Variants in PLXNB1 observed in about 807,000 individuals in gnomAD.
PLXNB1 encodes plexin B1.
Under a neutral mutation model 209.4 loss-of-function variants are expected in PLXNB1, and 106 were observed. That is an observed-to-expected ratio of 0.51 (90% CI 0.43 to 0.59). PLXNB1 has a LOEUF of 0.59. Ranked by LOEUF, PLXNB1 falls within the 20% of genes least tolerant of loss-of-function variation. The probability of loss-of-function intolerance (pLI) is 0.00; values close to 1 mark genes in which losing one functional copy is unlikely to be tolerated. For missense variants in PLXNB1, 2,357 were observed against 2,853.2 expected, an observed-to-expected ratio of 0.83 and a Z score of 3.96; for synonymous variants, 1,167 against 1,183.2, an observed-to-expected ratio of 0.99 and a Z score of 0.28.
At position 48,416,149 on chromosome 3, in the gene PLXNB1, T is replaced by G. The variant is rs893664029; in HGVS notation, c.3499A>C (p.Ile1167Leu). ...FAYQDPKVHS[I>L]FPARGPRAGG... is the part of the protein sequence containing the mutation. ...GCTCTGGGGCCGCGGGCCGGGAAGA[T>G]GGAATGGACCTTCGGATCCTGTGGG... Residue 1167 changes from isoleucine (I) to leucine (L), a missense_variant, in exon 18 of 38, where the codon ATC becomes CTC. Ile to Leu is a conservative substitution (Grantham distance 5). Transcript: ENST00000296440. The surrounding 1 kb of genome is among the most constrained non-coding windows in gnomAD (Gnocchi z 4.1). 3.8e-6 allele frequency: 6 copies of G among 1,599,206 alleles called. No homozygotes were observed. The highest frequency in any genetic ancestry group is 1.6e-4 in the Middle Eastern group (1 of 6,066).
chr3:48,408,873 C>T lies in PLXNB1; in HGVS notation c.6087+456G>A, dbSNP rs561831606. Reference sequence around the variant, plus strand: ...GCCTGCCCTGCACCCTCCCACCCGGCTTGAACCCAGCCACTGCTTGTCAGG... The same window carrying T: ...GCCTGCCCTGCACCCTCCCACCCGGTTTGAACCCAGCCACTGCTTGTCAGG... On this transcript the variant is annotated intron_variant, in intron 34 of 37. Transcript: ENST00000296440. Among the ~76,000 whole-genome samples, 7 of 152,324 alleles carry T rather than the reference C, an allele frequency of 4.6e-5. No homozygotes were observed. In the South Asian group the frequency reaches 1.4e-3, roughly 32 times the overall value.
At position 48,409,602 on chromosome 3, in the gene PLXNB1, G is replaced by A; in HGVS notation, c.5908C>T (p.Gln1970Ter). Residue 1970 changes from glutamine to a stop codon, truncating the protein, a stop_gained, in exon 33 of 38, where the codon CAG becomes TAG. Coordinates refer to ENST00000296440, the MANE Select transcript of PLXNB1 (RefSeq NM_001130082.3). LOFTEE classifies it high-confidence loss of function. This position sits in a 1 kb window ranked among gnomAD's most constrained non-coding sequence, Gnocchi z 5.8. ...GTCTTCCAGATGTGGATGGTGTCCT[G>A]GTCGGAGATGCCATGCTGCTGGGCC... ...EQAQQHGISD[Q>*]DTIHIWKTNS... is the part of the protein sequence containing the mutation. The A allele has an allele frequency of 6.2e-7, 1 of 1,613,902 alleles. No homozygotes were observed. The highest frequency in any genetic ancestry group is 8.5e-7 in the Non-Finnish European group (1 of 1,179,978).
In PLXNB1 at chr3:48,405,099, C is replaced by G. The variant is rs1007999102; in HGVS notation, c.6304-509G>C. Among the ~76,000 whole-genome samples the G allele has an allele frequency of 6.6e-6, 1 of 152,194 alleles. No homozygotes were observed. Among genetic ancestry groups the G allele is most frequent in the African/African-American group, 2.4e-5 (1 of 41,440 alleles). On this transcript the variant is annotated intron_variant, in intron 37 of 37. Transcript: ENST00000296440. The surrounding 1 kb of genome is among the most constrained non-coding windows in gnomAD (Gnocchi z 5.0). ...ACAAGGGGACATGCCTGCATCACAC[C>G]CTGCCTCCCCCAAGCCCCGTGCCAT...
At position 48,418,451 on chromosome 3, in the gene PLXNB1, TG is replaced by T. The variant is rs1412006930; in HGVS notation, c.3046del (p.His1016MetfsTer37). The T allele has an allele frequency of 6.2e-7, 1 of 1,613,166 alleles. No homozygotes were observed. The highest frequency in any genetic ancestry group is 1.3e-5 in the African/African-American group (1 of 74,896). On this transcript the variant is annotated frameshift_variant, in exon 14 of 38. Coordinates refer to ENST00000296440, the MANE Select transcript of PLXNB1 (RefSeq NM_001130082.3). LOFTEE classifies it high-confidence loss of function. The surrounding 1 kb of genome is among the most constrained non-coding windows in gnomAD (Gnocchi z 6.6). Reference sequence around the variant, plus strand: ...CCAGCAGCCCGCAGGTGGCTCACCATGCAGCCCCTCAGCACTGTCCACACGC... The same window carrying T: ...CCAGCAGCCCGCAGGTGGCTCACCATCAGCCCCTCAGCACTGTCCACACGC... ...RLRVDSAEGL[H>X]VVLYDCSVGH...
chr3:48,423,842 T>G lies in PLXNB1; in HGVS notation c.770A>C (p.His257Pro). The change falls in exon 3 of 38, where the codon CAC becomes CCC. Residue 257 changes from histidine to proline, a missense_variant. Transcript: ENST00000296440. ...YVSRVCLRDQ[H>P]YYSYVELPLA... is the part of the protein sequence containing the mutation. ...AGGCAACTCCACATAGGAGTAGTAG[T>G]GCTGGTCCCGGAGACACACTCGAGA... 1 of 1,613,930 alleles carries G rather than the reference T, an allele frequency of 6.2e-7. No individual in the cohort carries two copies. The highest frequency in any genetic ancestry group is 1.1e-5 in the South Asian group (1 of 91,084).
rs2037186332 is a variant in PLXNB1 at position 48,404,406 on chromosome 3, T to C, written c.*80A>G. ...CTGCTTGTCAGTCACTACAGGCACC[T>C]AAGAAGGTGGCCTCTCCTCCGAGCT... is the stretch of plus-strand genomic sequence containing the variant. On this transcript the variant is annotated 3_prime_UTR_variant, in exon 38 of 38. Transcript: ENST00000296440. 1.2e-6 allele frequency: 1 copy of C among 842,142 alleles called. No homozygotes were observed. Among genetic ancestry groups the C allele is most frequent in the Non-Finnish European group, 1.9e-6 (1 of 517,756 alleles). 52.2% of individuals were successfully genotyped at this position (842,142 alleles called of 1,614,324 possible).
rs1485288732 is a variant in PLXNB1 at position 48,415,555 on chromosome 3, C to T, written c.3794+28G>A. ...GCTGCAAAGACCTCCCTGCCACCTG[C>T]CATGCAGCCACACCCCTGGCCCAAC... On this transcript the variant is annotated intron_variant, in intron 19 of 37. Transcript: ENST00000296440. The surrounding 1 kb of genome is among the most constrained non-coding windows in gnomAD (Gnocchi z 5.0). The T allele has an allele frequency of 6.5e-7, 1 of 1,541,906 alleles. No homozygotes were observed. Among genetic ancestry groups the T allele is most frequent in the Non-Finnish European group, 8.8e-7 (1 of 1,137,450 alleles).
At position 48,410,752 on chromosome 3, in the gene PLXNB1, G is replaced by T; in HGVS notation, c.5416+116C>A. 1 of 1,120,922 alleles carries T rather than the reference G, an allele frequency of 8.9e-7. No individual in the cohort carries two copies. The allele number at this position is 1,120,922 out of a possible 1,614,324, so 69.4% of individuals were successfully genotyped here. On this transcript the variant is annotated intron_variant, in intron 29 of 37. Coordinates refer to ENST00000296440, the MANE Select transcript of PLXNB1 (RefSeq NM_001130082.3). The surrounding 1 kb of genome is among the most constrained non-coding windows in gnomAD (Gnocchi z 6.4). ...GAAAGATGTTCCAAAGCCAGCTTCT[G>T]CCTGCCTCCCAGCATCCTCCCCACC...
At chr3:48,427,696 A>G (rs11917677) in intron 1 of PLXNB1, among the ~76,000 whole-genome samples, 2,002 of 151,870 alleles carry the variant, frequency 0.013, 34 homozygotes, top group African/African-American at 0.045. Flanking sequence ...GGCTCCTCCA[A>G]CCGCTGCACA....
Position 48,409,759 on chromosome 3 carries a change from T to C in PLXNB1, c.5779-28A>G, listed in dbSNP as rs2037543299. Reference sequence around the variant, plus strand: ...GTGGGAAGGAAGAAGCAGAGAGGTGTGGTCAGCAAAGGGCCCTCAGCAGCA... The same window carrying C: ...GTGGGAAGGAAGAAGCAGAGAGGTGCGGTCAGCAAAGGGCCCTCAGCAGCA... On this transcript the variant is annotated intron_variant, in intron 32 of 37. Transcript: ENST00000296440. The surrounding 1 kb of genome is among the most constrained non-coding windows in gnomAD (Gnocchi z 5.8). 2.5e-6 allele frequency: 4 copies of C among 1,608,374 alleles called. No individual in the cohort carries two copies. The highest frequency in any genetic ancestry group is 1.7e-4 in the Middle Eastern group (1 of 6,040).
At position 48,417,841 on chromosome 3, in the gene PLXNB1, C is replaced by T. The variant is rs2038200161; in HGVS notation, c.3374+70G>A. The T allele has an allele frequency of 1.3e-6, 2 of 1,488,640 alleles. No homozygotes were observed. The highest frequency in any genetic ancestry group is 1.8e-6 in the Non-Finnish European group (2 of 1,091,044). The allele number at this position is 1,488,640 out of a possible 1,614,324, so 92.2% of individuals were successfully genotyped here. On this transcript the variant is annotated intron_variant, in intron 16 of 37. Transcript: ENST00000296440. The surrounding 1 kb of genome is among the most constrained non-coding windows in gnomAD (Gnocchi z 4.4). ...GGGCAGATGAGCGGTGGGTGGGAGG[C>T]CCCAAGCAGCAACGCCAACCGCGGA...
At position 48,412,128 on chromosome 3, in the gene PLXNB1, G is replaced by A. The variant is rs181410383; in HGVS notation, c.5100+110C>T. ...AGGGGACTGAGGACAGGCTGAGCAGGAGTCTCTGCTCTGGCACAAGTGTCC... is the reference window on the plus strand; with the variant it reads ...AGGGGACTGAGGACAGGCTGAGCAGAAGTCTCTGCTCTGGCACAAGTGTCC... On this transcript the variant is annotated intron_variant, in intron 27 of 37. Transcript: ENST00000296440. 2.9e-4 allele frequency: 419 copies of A among 1,455,864 alleles called. 1 individual carries two copies. The highest frequency in any genetic ancestry group is 1.1e-3 in the Admixed American group (67 of 58,846). The allele number at this position is 1,455,864 out of a possible 1,614,324, so 90.2% of individuals were successfully genotyped here.
chr3:48,405,566 C>A lies in PLXNB1; in HGVS notation c.6303+158G>T, dbSNP rs1237142712. 1.3e-5 allele frequency among the ~76,000 whole-genome samples: 2 copies of A among 152,178 alleles called. No individual in the cohort carries two copies. Among genetic ancestry groups the A allele is most frequent in the East Asian group, 3.9e-4 (2 of 5,164 alleles). On this transcript the variant is annotated intron_variant, in intron 37 of 37. Transcript: ENST00000296440. The surrounding 1 kb of genome is among the most constrained non-coding windows in gnomAD (Gnocchi z 5.0). ...GCACAGCCAATGCCAGGAAGCCCGC[C>A]TGGAAAACACTTCTCAAGCCACCAA...
intron 4 of PLXNB1, 70 bp from the exon 5 acceptor site, chr3:48,422,529 A>C: frequency 6.8e-7 from 1 of 1,463,248 alleles, no homozygotes; most frequent in Non-Finnish European, 9.1e-7. Context: ...CCCCTCCTCC[A>C]CCCAATCGAA....
In PLXNB1 at chr3:48,418,612, G is replaced by T; in HGVS notation, c.2956-70C>A. ...GTCAGGCCTGGGGAGGGGTTAGTCA[G>T]AGAAAGGACTAAAACGACCAGTTAG... is the stretch of plus-strand genomic sequence containing the variant. On this transcript the variant is annotated intron_variant, in intron 13 of 37. Transcript: ENST00000296440. The surrounding 1 kb of genome is among the most constrained non-coding windows in gnomAD (Gnocchi z 6.6). The T allele has an allele frequency of 7.5e-7, 1 of 1,333,898 alleles. No homozygotes were observed. Among genetic ancestry groups the T allele is most frequent in the South Asian group, 1.3e-5 (1 of 79,810 alleles). The allele number at this position is 1,333,898 out of a possible 1,614,324, so 82.6% of individuals were successfully genotyped here. A position where few individuals can be genotyped will look rare whatever the true frequency, so the allele number is the denominator to read the frequency against.
At position 48,410,733 on chromosome 3, in the gene PLXNB1, T is replaced by G; in HGVS notation, c.5416+135A>C. 9.9e-7 allele frequency: 1 copy of G among 1,007,572 alleles called. No homozygotes were observed. 62.4% of individuals were successfully genotyped at this position (1,007,572 alleles called of 1,614,324 possible). A position where few individuals can be genotyped will look rare whatever the true frequency, so the allele number is the denominator to read the frequency against. Reference sequence around the variant, plus strand: ...CAGATGAGAGGCTGTCCAAGAAAGATGTTCCAAAGCCAGCTTCTGCCTGCC... The same window carrying G: ...CAGATGAGAGGCTGTCCAAGAAAGAGGTTCCAAAGCCAGCTTCTGCCTGCC... On this transcript the variant is annotated intron_variant, in intron 29 of 37. Coordinates refer to ENST00000296440, the MANE Select transcript of PLXNB1 (RefSeq NM_001130082.3). This position sits in a 1 kb window ranked among gnomAD's most constrained non-coding sequence, Gnocchi z 6.4.
At chr3:48,423,109 C>G (rs576097832) in intron 3 of PLXNB1, among the ~76,000 whole-genome samples, 162 bp from the exon 4 acceptor site, 2 of 152,192 alleles carry the variant, frequency 1.3e-5, no homozygotes, top group East Asian at 1.9e-4. Context: ...TCCCCGCCCC[C>G]AGTCTCTCTT....
chr3:48,409,575 T>A lies in PLXNB1; in HGVS notation c.5935A>T (p.Asn1979Tyr). 6.2e-7 allele frequency: 1 copy of A among 1,613,444 alleles called. No homozygotes were observed. Among genetic ancestry groups the A allele is most frequent in the Non-Finnish European group, 8.5e-7 (1 of 1,179,706 alleles). Reference protein sequence around the residue: ...DQDTIHIWKTNSLPLRFWINI... With the variant: ...DQDTIHIWKTYSLPLRFWINI... ...GCCCACCCAGCTCCACCCCACCTGTTGGTCTTCCAGATGTGGATGGTGTCC... is the reference window on the plus strand; with the variant it reads ...GCCCACCCAGCTCCACCCCACCTGTAGGTCTTCCAGATGTGGATGGTGTCC... The change falls in exon 33 of 38, where the codon AAC becomes TAC. Residue 1979 changes from asparagine to tyrosine, a missense_variant. Asn to Tyr is a moderately radical substitution (Grantham distance 143). Transcript: ENST00000296440. The surrounding 1 kb of genome is among the most constrained non-coding windows in gnomAD (Gnocchi z 5.8).
intron 34 of PLXNB1, among the ~76,000 whole-genome samples, chr3:48,408,021 T>C (rs2037417118): frequency 6.6e-6 from 1 of 152,130 alleles, no homozygotes; most frequent in Non-Finnish European, 1.5e-5. Flanking sequence ...TTTGTTTTTG[T>C]TTTCAGACAG....
Sources: allele counts gnomAD v4.1 joint callset (sites outside exome capture counted in the v4.1 genomes callset), GRCh38; gene constraint gnomAD v4.1.1; non-coding constraint Gnocchi (gnomAD v3.1); transcripts MANE v1.5; gene names NCBI Gene and HGNC (gene_info 2026-07-23, HGNC 2026-07-21).